The following FHIT variants were observed in gnomAD, a reference collection of about 807,000 sequenced individuals.
The protein encoded by FHIT is bis(5'-adenosyl)-triphosphatase.
A neutral mutation model predicts 17.9 loss-of-function variants in FHIT; 19 were observed. That is an observed-to-expected ratio of 1.06 (90% CI 0.74 to 1.56). The LOEUF (loss-of-function observed/expected upper bound fraction) is 1.56, where lower values mean the gene tolerates loss of function less well. Ranked by LOEUF, FHIT falls within the 40% of genes most tolerant of loss-of-function variation. FHIT has a pLI of 0.00. For missense variants in FHIT, 248 were observed against 189.2 expected (o/e 1.31, Z -1.82); for synonymous variants, 81 against 69.7 (o/e 1.16, Z -0.81).
chr3:59,922,430 A>G lies in FHIT; in HGVS notation c.280-16T>C. The G allele has an allele frequency of 6.2e-7, 1 of 1,608,462 alleles. No homozygotes were observed. The highest frequency in any genetic ancestry group is 1.7e-4 in the Middle Eastern group (1 of 6,048). The stretch of plus-strand genomic sequence containing the variant: ...CGTGAACGTGCTGAAAATGTACAAG[A>G]AAGAAAAAAAATGTGATTATCTCCC... On this transcript the variant is annotated splice_polypyrimidine_tract_variant and intron_variant, in intron 7 of 9. Transcript: ENST00000492590.
At chr3:60,025,922 T>A (rs147215545) in intron 5 of FHIT, among the ~76,000 whole-genome samples, 2 of 152,174 alleles carry the variant, frequency 1.3e-5, no homozygotes, top group African/African-American at 4.8e-5. Flanking sequence ...AGCAATGAAC[T>A]GTACTGCCAG....
intron 4 of FHIT, among the ~76,000 whole-genome samples, chr3:60,703,416 C>A (rs1336809303): frequency 6.6e-6 from 1 of 152,170 alleles, no homozygotes; most frequent in Non-Finnish European, 1.5e-5. Context: ...AGGAAATTAA[C>A]AAAGCATATG....
intron 7 of FHIT, among the ~76,000 whole-genome samples, chr3:59,940,532 G>A (rs1356241977): frequency 6.6e-6 from 1 of 152,068 alleles, no homozygotes; most frequent in African/African-American, 2.4e-5. Flanking sequence ...CTTTGCTTGG[G>A]GAGGGAGATG....
intron 7 of FHIT, among the ~76,000 whole-genome samples, chr3:59,995,149 C>G (rs1699453682): frequency 6.6e-6 from 1 of 151,608 alleles, no homozygotes; most frequent in Admixed American, 6.6e-5. Flanking sequence ...CAGGATAGTA[C>G]AAATCTGCTG....
chr3:59,887,293 T>A (rs149353531), intron 8 of FHIT, among the ~76,000 whole-genome samples: 1 of 152,192 alleles, frequency 6.6e-6, no homozygotes, highest in Non-Finnish European at 1.5e-5. Flanking sequence ...CTCTGTTCGC[T>A]GGAGTCTGAG....
intron 4 of FHIT, among the ~76,000 whole-genome samples, chr3:60,638,589 G>T (rs62249151): frequency 0.22 from 33,032 of 152,002 alleles, 3,830 homozygotes; most frequent in Admixed American, 0.28. Flanking sequence ...AAGAGTATCA[G>T]TAATTTTAAT....
intron 5 of FHIT, among the ~76,000 whole-genome samples, chr3:60,519,628 T>A (rs1481199826): frequency 6.6e-6 from 1 of 152,056 alleles, no homozygotes; most frequent in Non-Finnish European, 1.5e-5. Flanking sequence ...GAAAAGACAT[T>A]TACAGTATTA....
At chr3:60,112,635 T>C (rs919762769) in intron 5 of FHIT, among the ~76,000 whole-genome samples, 12 of 152,230 alleles carry the variant, frequency 7.9e-5, no homozygotes, top group Admixed American at 4.6e-4. Flanking sequence ...AAGACTTTTT[T>C]TGAAGCTGGC....
chr3:60,896,096 T>A (rs1705807204), intron 3 of FHIT, among the ~76,000 whole-genome samples: 1 of 152,104 alleles, frequency 6.6e-6, no homozygotes, highest in African/African-American at 2.4e-5. Flanking sequence ...TATTGTGAAC[T>A]GCGCATACTC....
At chr3:60,599,697 A>AG (rs58757606) in intron 4 of FHIT, among the ~76,000 whole-genome samples, 4 of 151,118 alleles carry the variant, frequency 2.6e-5, no homozygotes, top group African/African-American at 9.7e-5. Flanking sequence ...AAAAAAAAAA[A>AG]GGAATGCAAT....
At chr3:60,733,826 C>T (rs2042081455) in intron 4 of FHIT, among the ~76,000 whole-genome samples, 1 of 152,142 alleles carries the variant, frequency 6.6e-6, no homozygotes, top group Non-Finnish European at 1.5e-5. Flanking sequence ...GCACACCCAG[C>T]AGACAGTACA....
At chr3:61,200,593 A>C (rs1292027810) in intron 2 of FHIT, 24 bp downstream of exon 2, 1 of 152,640 alleles carries the variant, frequency 6.6e-6, no homozygotes, top group East Asian at 1.9e-4. Context: ...ATGTTTGTCA[A>C]GGCCATGTAA....
intron 5 of FHIT, among the ~76,000 whole-genome samples, chr3:60,169,055 GA>G (rs1701306200): frequency 6.6e-6 from 1 of 152,194 alleles, no homozygotes; most frequent in Non-Finnish European, 1.5e-5. Flanking sequence ...GGATGACCTA[GA>G]TTGTCAAAGG....
intron 3 of FHIT, among the ~76,000 whole-genome samples, chr3:60,858,659 T>C (rs571309135): frequency 1.3e-5 from 2 of 152,194 alleles, no homozygotes; most frequent in South Asian, 2.1e-4. Flanking sequence ...ATTATAACTA[T>C]CACATATGAC....
chr3:60,833,992 G>A (rs922770244), intron 3 of FHIT, among the ~76,000 whole-genome samples: 1 of 152,092 alleles, frequency 6.6e-6, no homozygotes, highest in South Asian at 2.1e-4. Flanking sequence ...AGTAGTATTC[G>A]ATGGTATGGA....
chr3:60,187,467 G>A (rs1258196439), intron 5 of FHIT, among the ~76,000 whole-genome samples: 1 of 152,094 alleles, frequency 6.6e-6, no homozygotes, highest in Non-Finnish European at 1.5e-5. Context: ...GCCTTCACGG[G>A]TTTCCTGTGA....
intron 4 of FHIT, among the ~76,000 whole-genome samples, chr3:60,813,399 A>T (rs1218630802): frequency 6.6e-6 from 1 of 152,154 alleles, no homozygotes; most frequent in Non-Finnish European, 1.5e-5. Flanking sequence ...AACCATTAGT[A>T]TGGTAAAGGC....
chr3:60,196,637 C>G (rs150204194), intron 5 of FHIT, among the ~76,000 whole-genome samples: 1 of 151,942 alleles, frequency 6.6e-6, no homozygotes, highest in Non-Finnish European at 1.5e-5. Context: ...GACCACACAC[C>G]CGCCCTAAGT....
At chr3:60,737,049 G>T (rs1553712786) in intron 4 of FHIT, among the ~76,000 whole-genome samples, 1 of 152,144 alleles carries the variant, frequency 6.6e-6, no homozygotes, top group African/African-American at 2.4e-5. Context: ...TCCAGCAATG[G>T]TCAACAAATA....
Sources: gnomAD v4.1 joint callset for allele counts (sites outside exome capture counted in the v4.1 genomes callset) on GRCh38, gnomAD v4.1.1 for gene constraint, MANE v1.5 for transcripts, NCBI Gene and HGNC (gene_info 2026-07-23, HGNC 2026-07-21) for gene names.